The following SLC71A2 variants were observed in gnomAD, a reference collection of about 807,000 sequenced individuals.
SLC71A2 encodes the protein hippocampus abundant transcript-like 1.
chr9:94,414,257 A>T, the SLC71A2 span, among the ~76,000 whole-genome samples: 4 of 152,294 alleles, frequency 2.6e-5, no homozygotes, highest in African/African-American at 9.6e-5. Flanking sequence ...GTGTAATGTC[A>T]CCACAAGTTT....
the SLC71A2 span, among the ~76,000 whole-genome samples, chr9:94,447,481 GT>G: frequency 0.054 from 5,277 of 98,348 alleles, 144 homozygotes; most frequent in African/African-American, 0.09. Context: ...TGCCCAGCCT[GT>G]TTTTTTTTTT....
At chr9:94,438,320 T>C in the SLC71A2 span, 4 of 1,512,238 alleles carry the variant, frequency 2.6e-6, no homozygotes, top group Non-Finnish European at 3.6e-6. Context: ...GAATTAGAGC[T>C]AATGCATTTA....
At chr9:94,444,727 A>G in the SLC71A2 span, among the ~76,000 whole-genome samples, 1 of 152,226 alleles carries the variant, frequency 6.6e-6, no homozygotes, top group East Asian at 1.9e-4. Context: ...TTAATAGTTT[A>G]TGAACACATT....
chr9:94,415,450 T>G, the SLC71A2 span, among the ~76,000 whole-genome samples: 1 of 152,034 alleles, frequency 6.6e-6, no homozygotes, highest in African/African-American at 2.4e-5. Flanking sequence ...TAAATATTCC[T>G]GGGTAGCACT....
the SLC71A2 span, among the ~76,000 whole-genome samples, chr9:94,381,973 CTTTT>C: frequency 6.6e-6 from 1 of 151,820 alleles, no homozygotes; most frequent in Non-Finnish European, 1.5e-5. Context: ...TCTCATTGTT[CTTTT>C]AATTTGTGCT....
chr9:94,417,627 C>G, the SLC71A2 span, among the ~76,000 whole-genome samples: 2 of 152,062 alleles, frequency 1.3e-5, no homozygotes, highest in African/African-American at 4.8e-5. Flanking sequence ...AACTCTTTCT[C>G]AAAAACAAAC....
chr9:94,429,363 G>A, the SLC71A2 span: 1 of 1,460,448 alleles, frequency 6.8e-7, no homozygotes, highest in Non-Finnish European at 9.2e-7. Context: ...TTGTTCTGGA[G>A]GCTGAAATCT....
the SLC71A2 span, chr9:94,446,767 T>C: frequency 1.7e-5 from 15 of 879,110 alleles, no homozygotes; most frequent in South Asian, 5.6e-5. Flanking sequence ...TCCCAGAACA[T>C]TGGCAACATT....
At chr9:94,384,747 T>G in the SLC71A2 span, among the ~76,000 whole-genome samples, 1 of 152,160 alleles carries the variant, frequency 6.6e-6, no homozygotes, top group Non-Finnish European at 1.5e-5. Flanking sequence ...GGTGCGAATG[T>G]CTCACTTTGA....
chr9:94,459,277 T>C, the SLC71A2 span: 1 of 1,614,094 alleles, frequency 6.2e-7, no homozygotes, highest in Non-Finnish European at 8.5e-7. Flanking sequence ...AAAAACACAG[T>C]AACAGCAGCA....
the SLC71A2 span, among the ~76,000 whole-genome samples, chr9:94,377,902 C>A: frequency 6.6e-6 from 1 of 152,098 alleles, no homozygotes; most frequent in African/African-American, 2.4e-5. Flanking sequence ...GTCAAGAGAT[C>A]AAGACCATCC....
the SLC71A2 span, among the ~76,000 whole-genome samples, chr9:94,381,859 G>A: frequency 6.6e-6 from 1 of 152,102 alleles, no homozygotes; most frequent in Non-Finnish European, 1.5e-5. Context: ...AAAAGTAATT[G>A]TACAGTTGTA....
At chr9:94,399,663 G>C in the SLC71A2 span, among the ~76,000 whole-genome samples, 2 of 152,220 alleles carry the variant, frequency 1.3e-5, no homozygotes, top group South Asian at 4.1e-4. Flanking sequence ...TTCCAGAATT[G>C]TTAATCTTTA....
At chr9:94,391,349 C>T in the SLC71A2 span, among the ~76,000 whole-genome samples, 1 of 144,156 alleles carries the variant, frequency 6.9e-6, no homozygotes, top group South Asian at 2.2e-4. Flanking sequence ...TGCAACAGAG[C>T]GAGACTCTGT....
At chr9:94,456,429 C>T in the SLC71A2 span, 439 of 911,244 alleles carry the variant, frequency 4.8e-4, no homozygotes, top group Middle Eastern at 1.1e-3. Flanking sequence ...CCATCAACAG[C>T]AGGAGCCGAC....
the SLC71A2 span, among the ~76,000 whole-genome samples, chr9:94,454,932 T>G: frequency 6.6e-6 from 1 of 151,860 alleles, no homozygotes; most frequent in Non-Finnish European, 1.5e-5. Flanking sequence ...GAAGGAATCG[T>G]GAGTTTTGTT....
chr9:94,424,433 C>T, the SLC71A2 span, among the ~76,000 whole-genome samples: 1 of 151,926 alleles, frequency 6.6e-6, no homozygotes, highest in Non-Finnish European at 1.5e-5. Context: ...CTGGGTTTCA[C>T]CATGTTGGCC....
At chr9:94,402,112 C>T in the SLC71A2 span, among the ~76,000 whole-genome samples, 3 of 152,158 alleles carry the variant, frequency 2.0e-5, no homozygotes, top group African/African-American at 7.2e-5. Context: ...GCTTTATCAG[C>T]AAGGTCTTTA....
At chr9:94,424,296 G>A in the SLC71A2 span, among the ~76,000 whole-genome samples, 1 of 151,836 alleles carries the variant, frequency 6.6e-6, no homozygotes, top group South Asian at 2.1e-4. Flanking sequence ...GTGCAGTGGT[G>A]CGATCTCGGC....
Sources: allele counts gnomAD v4.1 joint callset (sites outside exome capture counted in the v4.1 genomes callset), GRCh38; gene constraint gnomAD v4.1.1; transcripts MANE v1.5; gene names NCBI Gene and HGNC (gene_info 2026-07-23, HGNC 2026-07-21).